The following DOK6 variants were observed in gnomAD, a reference collection of about 807,000 sequenced individuals.
The protein encoded by DOK6 is downstream of tyrosine kinase 6.
Under a neutral mutation model 44.0 loss-of-function variants are expected in DOK6, and 22 were observed. The observed-to-expected ratio is 0.50, with a 90% CI of 0.36 to 0.71. The LOEUF is 0.71. Ranked by LOEUF, DOK6 falls within the 30% of genes least tolerant of loss-of-function variation. The probability of loss-of-function intolerance (pLI) is 0.00; values close to 1 mark genes in which losing one functional copy is unlikely to be tolerated. For missense variants in DOK6, 340 were observed against 416.4 expected (o/e 0.82, Z 1.60); for synonymous variants, 166 against 145.5 (o/e 1.14, Z -1.01).
intron 1 of DOK6, among the ~76,000 whole-genome samples, chr18:69,426,305 T>A (rs1272787478): frequency 6.6e-6 from 1 of 152,190 alleles, no homozygotes; most frequent in Non-Finnish European, 1.5e-5. Flanking sequence ...TCCTAATCCT[T>A]TACTTTGTCA....
chr18:69,816,113 C>T (rs1216803140), intron 7 of DOK6, among the ~76,000 whole-genome samples: 1 of 152,146 alleles, frequency 6.6e-6, no homozygotes, highest in African/African-American at 2.4e-5. Context: ...AATTCATCCT[C>T]TATGTAGTGA....
intron 1 of DOK6, among the ~76,000 whole-genome samples, chr18:69,539,074 A>G (rs1186213576): frequency 1.3e-5 from 2 of 152,200 alleles, no homozygotes; most frequent in Non-Finnish European, 2.9e-5. Context: ...AATAGAAGCA[A>G]GGTCAACTAA....
At chr18:69,422,960 G>A (rs189025565) in intron 1 of DOK6, among the ~76,000 whole-genome samples, 4 of 152,132 alleles carry the variant, frequency 2.6e-5, no homozygotes, top group East Asian at 1.9e-4. Flanking sequence ...ACCTCCAAGC[G>A]CACACTACTA....
chr18:69,630,352 T>TA (rs912138197), intron 3 of DOK6, among the ~76,000 whole-genome samples: 2 of 151,988 alleles, frequency 1.3e-5, no homozygotes, highest in Admixed American at 6.6e-5. Flanking sequence ...TCCTTGGAAT[T>TA]AAAAAAAAGG....
At chr18:69,507,587 G>A (rs1382752247) in intron 1 of DOK6, among the ~76,000 whole-genome samples, 2 of 151,954 alleles carry the variant, frequency 1.3e-5, no homozygotes, top group Non-Finnish European at 2.9e-5. Flanking sequence ...ATAGATTTCA[G>A]CATACTTATT....
rs780600018 is a variant in DOK6, at chr18:69,841,407, A to G, written c.*24A>G. 3 of 1,613,898 alleles carry G rather than the reference A, an allele frequency of 1.9e-6. No individual in the cohort carries two copies. In the Admixed American group the frequency reaches 5.0e-5, roughly 27 times the overall value. On this transcript the variant is annotated 3_prime_UTR_variant, in exon 8 of 8. Transcript: ENST00000382713. ...GACACACAGAGAGCCGCTGTTGACT[A>G]GAGAGACAGTCTGTCCTGGACCCGT...
rs1982331700 is a variant in DOK6, at chr18:69,845,715, G to C, written c.*4332G>C. On this transcript the variant is annotated 3_prime_UTR_variant, in exon 8 of 8. Transcript: ENST00000382713. ...ACCCAAGGCCAGTGTCATGGGCTTG[G>C]CTTTCTTCCCTGTCGCCTCATACTG... 1 of 152,150 alleles carries C rather than the reference G, an allele frequency of 6.6e-6. No homozygotes were observed. Among genetic ancestry groups the C allele is most frequent in the East Asian group, 1.9e-4 (1 of 5,192 alleles). 9.4% of individuals were successfully genotyped at this position (152,150 alleles called of 1,614,324 possible).
chr18:69,593,249 G>A (rs566409283), intron 2 of DOK6, among the ~76,000 whole-genome samples: 2 of 152,186 alleles, frequency 1.3e-5, no homozygotes, highest in East Asian at 1.9e-4. Flanking sequence ...GCACACACCT[G>A]TAGTCCCAGC....
chr18:69,595,802 C>A (rs545577575), intron 2 of DOK6, among the ~76,000 whole-genome samples: 1 of 152,002 alleles, frequency 6.6e-6, no homozygotes, highest in African/African-American at 2.4e-5. Flanking sequence ...TTAATCCATG[C>A]GTAGTTTTTT....
chr18:69,720,052 G>C (rs1365085173), intron 5 of DOK6, among the ~76,000 whole-genome samples: 3 of 152,138 alleles, frequency 2.0e-5, no homozygotes, highest in Non-Finnish European at 4.4e-5. Context: ...AGCCAGGTGT[G>C]GTGGCACACC....
At chr18:69,473,956 C>T (rs532793961) in intron 1 of DOK6, among the ~76,000 whole-genome samples, 22 of 146,778 alleles carry the variant, frequency 1.5e-4, no homozygotes, top group African/African-American at 5.4e-4. Context: ...CCCATGCACC[C>T]AAGCTTTTAG....
intron 6 of DOK6, among the ~76,000 whole-genome samples, chr18:69,754,342 C>A (rs1368920155): frequency 1.6e-5 from 2 of 123,354 alleles, no homozygotes; most frequent in Admixed American, 8.3e-5. Flanking sequence ...CAGAGTGAGA[C>A]CCTATCTCCA....
chr18:69,693,946 C>A (rs568196840), intron 4 of DOK6, among the ~76,000 whole-genome samples: 2,424 of 151,082 alleles, frequency 0.016, 34 homozygotes, highest in Non-Finnish European at 0.026. Context: ...GTAGTCCCAG[C>A]TACTCGGGAG....
intron 1 of DOK6, among the ~76,000 whole-genome samples, chr18:69,468,479 G>T (rs1410192891): frequency 6.6e-6 from 1 of 152,114 alleles, no homozygotes; most frequent in Admixed American, 6.5e-5. Flanking sequence ...AAATTCAACT[G>T]CCTACTATAC....
intron 5 of DOK6, among the ~76,000 whole-genome samples, chr18:69,737,309 T>C (rs1213792552): frequency 6.6e-6 from 1 of 152,156 alleles, no homozygotes; most frequent in Non-Finnish European, 1.5e-5. Context: ...CTTCTTCACA[T>C]GGTGGCAGGA....
intron 3 of DOK6, among the ~76,000 whole-genome samples, chr18:69,651,190 C>A (rs1345403522): frequency 2.0e-5 from 3 of 150,208 alleles, no homozygotes; most frequent in Admixed American, 6.6e-5. Context: ...CCTGTAATAA[C>A]AGGGGAACCA....
rs116582660 is a variant in DOK6 at position 69,724,618 on chromosome 18, T to C, written c.600-14347T>C. ...TTCTTTATAATAGTTGGTGCTGGGT[T>C]GAGAAAAGTAGAAGAGATTCCAGTA... is the stretch of plus-strand genomic sequence containing the variant. On this transcript the variant is annotated intron_variant, in intron 5 of 7. Coordinates refer to ENST00000382713, the MANE Select transcript of DOK6 (RefSeq NM_152721.6). Among the ~76,000 whole-genome samples, 555 of 152,322 alleles carry C rather than the reference T, an allele frequency of 3.6e-3. 5 individuals are homozygous for C. Among genetic ancestry groups the C allele is most frequent in the African/African-American group, 0.013 (538 of 41,570 alleles).
chr18:69,799,973 C>T (rs1009397799), intron 7 of DOK6, among the ~76,000 whole-genome samples: 3 of 152,116 alleles, frequency 2.0e-5, no homozygotes, highest in East Asian at 3.9e-4. Flanking sequence ...CGGTTCCCAG[C>T]ATATACAATT....
rs527655422 is a variant in DOK6, at chr18:69,817,517, G to A, written c.857-23727G>A. 1.5e-3 allele frequency among the ~76,000 whole-genome samples: 234 copies of A among 152,190 alleles called. 2 individuals are homozygous for A. The highest frequency in any genetic ancestry group is 1.4e-3 in the Non-Finnish European group (97 of 67,998). On this transcript the variant is annotated intron_variant, in intron 7 of 7. Transcript: ENST00000382713. Reference sequence around the variant, plus strand: ...CTCTCTTCGTGGCTTGCAGACAGCCGCCTTCTCACTGTGTCCTACAGGGCC... The same window carrying A: ...CTCTCTTCGTGGCTTGCAGACAGCCACCTTCTCACTGTGTCCTACAGGGCC...
Sources: allele counts gnomAD v4.1 joint callset (sites outside exome capture counted in the v4.1 genomes callset), GRCh38; gene constraint gnomAD v4.1.1; transcripts MANE v1.5; gene names NCBI Gene and HGNC (gene_info 2026-07-23, HGNC 2026-07-21).